Variants in TMPRSS12 observed in about 807,000 individuals in gnomAD.
The protein encoded by TMPRSS12 is transmembrane protease serine 12.
A neutral mutation model predicts 26.0 loss-of-function variants in TMPRSS12; 25 were observed. The ratio of observed to expected loss-of-function variants is 0.96; its 90% CI spans 0.70 to 1.34. TMPRSS12 has a LOEUF of 1.34. Among genes scored for constraint, TMPRSS12 ranks in the 40% most tolerant of loss-of-function variants. The pLI, the probability that TMPRSS12 is intolerant of heterozygous loss-of-function variation, is 0.00. For synonymous variants in TMPRSS12, 150 were observed against 161.7 expected, an observed-to-expected ratio of 0.93 and a Z score of 0.55; for missense variants, 441 against 440.1, an observed-to-expected ratio of 1.00 and a Z score of -0.02.
chr12:50,877,529 A>G (rs1312052939), intron 3 of TMPRSS12, among the ~76,000 whole-genome samples: 3 of 152,224 alleles, frequency 2.0e-5, no homozygotes, highest in Admixed American at 1.3e-4. Flanking sequence ...ACAAAAATCA[A>G]TATGTCTATA....
In TMPRSS12 at chr12:50,858,817, CTAA is replaced by C; in HGVS notation, c.422_424del (p.Asn141del). On this transcript the variant is annotated inframe_deletion, in exon 3 of 5. Coordinates refer to ENST00000398458, the MANE Select transcript of TMPRSS12 (RefSeq NM_182559.3). ...TTAATGTGGACAGCTGTGATTGGAA[CTAA>C]TAATATACATGGACGCTATCCTCAT... 1 of 1,604,290 alleles carries C rather than the reference CTAA, an allele frequency of 6.2e-7. No individual in the cohort carries two copies. The highest frequency in any genetic ancestry group is 8.5e-7 in the Non-Finnish European group (1 of 1,176,226).
At chr12:50,856,184 C>T (rs560103343) in intron 2 of TMPRSS12, among the ~76,000 whole-genome samples, 31 of 152,218 alleles carry the variant, frequency 2.0e-4, no homozygotes, top group African/African-American at 7.2e-4. Context: ...AGCACGTGTA[C>T]CCCCGAACCT....
chr12:50,863,931 A>C (rs962769712), intron 3 of TMPRSS12, among the ~76,000 whole-genome samples: 1 of 152,212 alleles, frequency 6.6e-6, no homozygotes, highest in Non-Finnish European at 1.5e-5. Context: ...TAAAATGTAC[A>C]CTTGACTTTT....
At chr12:50,845,469 A>G (rs561630983) in intron 2 of TMPRSS12, among the ~76,000 whole-genome samples, 1 of 152,252 alleles carries the variant, frequency 6.6e-6, no homozygotes, top group East Asian at 1.9e-4. Flanking sequence ...AGCAATCACC[A>G]TGTGCTGTCA....
At chr12:50,854,419 C>T (rs1937856966) in intron 2 of TMPRSS12, among the ~76,000 whole-genome samples, 1 of 152,102 alleles carries the variant, frequency 6.6e-6, no homozygotes, top group African/African-American at 2.4e-5. Flanking sequence ...TGCCCACTAT[C>T]ACCACTCTTA....
At chr12:50,868,298 A>G (rs554097926) in intron 3 of TMPRSS12, among the ~76,000 whole-genome samples, 17 of 152,342 alleles carry the variant, frequency 1.1e-4, no homozygotes, top group African/African-American at 4.1e-4. Context: ...AAAGGAGTGG[A>G]AAAAGGCATT....
chr12:50,855,044 A>G (rs2139723157), intron 2 of TMPRSS12, among the ~76,000 whole-genome samples: 1 of 152,298 alleles, frequency 6.6e-6, no homozygotes, highest in African/African-American at 2.4e-5. Flanking sequence ...GAGGCATCAT[A>G]CTACCTGACT....
Position 50,843,075 on chromosome 12 carries a change from G to A in TMPRSS12, c.111G>A (p.Pro37=), listed in dbSNP as rs370303077. The change falls in exon 1 of 5, where the codon CCG becomes CCA. Residue 37 remains proline (P), a synonymous_variant. Transcript: ENST00000398458. The part of the protein sequence containing the change: ...GRHRLGPSPE[P]AASSQQAEAV... ...ACAGGCTCGGCCCCTCGCCGGAACC[G>A]GCGGCTAGTTCCCAGCAGGCTGAGG... is the stretch of plus-strand genomic sequence containing the variant. 1,069 of 1,588,210 alleles carry A rather than the reference G, an allele frequency of 6.7e-4. 10 individuals are homozygous for A. In the South Asian group the frequency reaches 9.0e-3, roughly 13 times the overall value.
At chr12:50,860,619 GTTTT>G (rs777972880) in intron 3 of TMPRSS12, among the ~76,000 whole-genome samples, 1 of 151,806 alleles carries the variant, frequency 6.6e-6, no homozygotes, top group Non-Finnish European at 1.5e-5. Flanking sequence ...GTATGTTTTG[GTTTT>G]TTAAGAGACA....
chr12:50,848,613 C>T (rs1937796058), intron 2 of TMPRSS12, among the ~76,000 whole-genome samples: 1 of 152,174 alleles, frequency 6.6e-6, no homozygotes, highest in African/African-American at 2.4e-5. Context: ...GTTTCAGCTC[C>T]TATTGCCAAC....
chr12:50,875,794 A>T (rs1938108092), intron 3 of TMPRSS12, among the ~76,000 whole-genome samples: 2 of 152,222 alleles, frequency 1.3e-5, no homozygotes, highest in African/African-American at 4.8e-5. Context: ...TCAAGCTACA[A>T]GAATCCTAGA....
chr12:50,872,988 G>GTACATATATATGACGTATAT (rs1565936183), intron 3 of TMPRSS12, among the ~76,000 whole-genome samples: 3 of 150,538 alleles, frequency 2.0e-5, no homozygotes, highest in African/African-American at 4.9e-5. Flanking sequence ...GTATATATAT[G>GTACATATATATGACGTATAT]ATGGAATACT....
At chr12:50,869,101 G>GA (rs199862044) in intron 3 of TMPRSS12, among the ~76,000 whole-genome samples, 10,483 of 141,108 alleles carry the variant, frequency 0.074, 399 homozygotes, top group Middle Eastern at 0.12. Context: ...AGAGAAACAA[G>GA]AAAAAAAAAC....
intron 3 of TMPRSS12, among the ~76,000 whole-genome samples, chr12:50,870,042 C>T (rs1938027474): frequency 1.3e-5 from 2 of 152,110 alleles, no homozygotes; most frequent in South Asian, 2.1e-4. Flanking sequence ...GAGATCGTGC[C>T]ACTGCACTCC....
intron 3 of TMPRSS12, among the ~76,000 whole-genome samples, chr12:50,872,724 GTATATATGTACATATATATACGTCTA>G (rs1938067496): frequency 4.2e-5 from 4 of 94,822 alleles, no homozygotes; most frequent in African/African-American, 1.2e-4. Flanking sequence ...TATATATGAC[GTATATATGTACATATATATACGTCTA>G]TATATGTACA....
At chr12:50,882,947 C>T (rs1377091677) in intron 3 of TMPRSS12, among the ~76,000 whole-genome samples, 4 of 152,074 alleles carry the variant, frequency 2.6e-5, no homozygotes, top group Admixed American at 6.6e-5. Flanking sequence ...ATCAAGTAAA[C>T]GCAGTAAGAG....
rs543351078 is a variant in TMPRSS12, at chr12:50,872,821, A to G, written c.653-12425A>G. 4.0e-4 allele frequency among the ~76,000 whole-genome samples: 49 copies of G among 121,406 alleles called. 7 individuals carry two copies. The highest frequency in any genetic ancestry group is 6.6e-4 in the Non-Finnish European group (37 of 55,804). The allele number at this position is 121,406 out of a possible 152,430, so 79.6% of individuals were successfully genotyped here. On this transcript the variant is annotated intron_variant, in intron 3 of 4. Coordinates refer to ENST00000398458, the MANE Select transcript of TMPRSS12 (RefSeq NM_182559.3). ...ATATATGTACATATATATGACGTAT[A>G]TATGTACATATATATGACGTCTATA... is the stretch of plus-strand genomic sequence containing the variant.
Position 50,882,286 on chromosome 12 carries a change from T to TA in TMPRSS12, c.653-2933dup, listed in dbSNP as rs59323134. On this transcript the variant is annotated intron_variant, in intron 3 of 4. Coordinates refer to ENST00000398458, the MANE Select transcript of TMPRSS12 (RefSeq NM_182559.3). ...GCAACAGAGCAAGACCCCATCTCTCTAAAAAAAAAAAAAAAAAAAAAAAAA... is the reference window on the plus strand; with the variant it reads ...GCAACAGAGCAAGACCCCATCTCTCTAAAAAAAAAAAAAAAAAAAAAAAAAA... Among the ~76,000 whole-genome samples, 346 of 58,518 alleles carry TA rather than the reference T, an allele frequency of 5.9e-3. 16 individuals carry two copies. Among genetic ancestry groups the TA allele is most frequent in the Middle Eastern group, 0.015 (1 of 68 alleles). The allele number at this position is 58,518 out of a possible 152,430, so 38.4% of individuals were successfully genotyped here.
intron 3 of TMPRSS12, among the ~76,000 whole-genome samples, chr12:50,868,155 C>T (rs552629955): frequency 6.6e-6 from 1 of 152,296 alleles, no homozygotes; most frequent in East Asian, 1.9e-4. Flanking sequence ...TCAATACTAA[C>T]ATTGAATATA....
Sources: gnomAD v4.1 joint callset for allele counts (sites outside exome capture counted in the v4.1 genomes callset) on GRCh38, gnomAD v4.1.1 for gene constraint, MANE v1.5 for transcripts, NCBI Gene and HGNC (gene_info 2026-07-23, HGNC 2026-07-21) for gene names.